Variants in CD53 observed in about 807,000 individuals in gnomAD.
CD53 encodes the protein CD53 molecule, also known as leukocyte surface antigen CD53.
CD53 carries 20 observed loss-of-function variants against 27.3 expected under a neutral mutation model. The ratio of observed to expected loss-of-function variants is 0.73; its 90% CI spans 0.52 to 1.07. CD53 has a LOEUF of 1.07. CD53 is among the 50% of genes least tolerant of loss of function. The pLI, the probability that CD53 is intolerant of heterozygous loss-of-function variation, is 0.00. For missense variants in CD53, 216 were observed against 264.0 expected (o/e 0.82, Z 1.26); for synonymous variants, 106 against 105.3 (o/e 1.01, Z -0.04).
chr1:110,874,841 T>G (rs1656064309), intron 1 of CD53, among the ~76,000 whole-genome samples: 1 of 152,324 alleles, frequency 6.6e-6, no homozygotes, highest in African/African-American at 2.4e-5. Context: ...TGCCCTCTGA[T>G]TGACCTCTGA....
At chr1:110,883,367 A>G (rs925663076) in intron 1 of CD53, among the ~76,000 whole-genome samples, 5 of 152,054 alleles carry the variant, frequency 3.3e-5, no homozygotes, top group African/African-American at 9.6e-5. Context: ...AGTTTTTTCA[A>G]TGTTAAAATA....
intron 1 of CD53, among the ~76,000 whole-genome samples, chr1:110,878,708 A>G (rs980708159): frequency 6.6e-6 from 1 of 152,222 alleles, no homozygotes; most frequent in East Asian, 1.9e-4. Flanking sequence ...TCTACCAAAC[A>G]CTTCCATTCA....
In CD53 at chr1:110,894,998, C is replaced by A. The variant is rs748341798; in HGVS notation, c.366C>A (p.Ile122=). The change falls in exon 5 of 8, where the codon ATC becomes ATA. Residue 122 remains isoleucine (I), a synonymous_variant. Coordinates refer to ENST00000271324, the MANE Select transcript of CD53 (RefSeq NM_000560.4). ...EYVAKGLTDS[I]HRYHSDNSTK... is the part of the protein sequence containing the mutation. The stretch of plus-strand genomic sequence containing the variant: ...TGGCTAAGGGTCTGACCGACAGCAT[C>A]CACCGTTACCACTCAGACAATAGCA... The A allele has an allele frequency of 9.9e-6, 16 of 1,613,974 alleles. No individual in the cohort carries two copies.
In CD53 at chr1:110,895,145, C is replaced by T; in HGVS notation, c.423+90C>T. On this transcript the variant is annotated intron_variant, in intron 5 of 7. Transcript: ENST00000271324. Reference sequence around the variant, plus strand: ...GGCTAGTTCCTTTTTCTGGAAGTTTCAGAATCTAAGGTCCACATCCCTGAA... The same window carrying T: ...GGCTAGTTCCTTTTTCTGGAAGTTTTAGAATCTAAGGTCCACATCCCTGAA... 6 of 956,756 alleles carry T rather than the reference C, an allele frequency of 6.3e-6. No individual in the cohort carries two copies. The South Asian group carries it at 7.9e-5, about 13-fold the overall frequency. 59.3% of individuals were successfully genotyped at this position (956,756 alleles called of 1,614,324 possible).
At chr1:110,894,458 T>A (rs11800539) in intron 4 of CD53, 57 bp downstream of exon 4, 1 of 1,282,598 alleles carries the variant, frequency 7.8e-7, no homozygotes, top group African/African-American at 1.5e-5. Context: ...GAGTATGCAG[T>A]GGAGAAGTTG....
chr1:110,890,891 G>A (rs1262039975), intron 1 of CD53, among the ~76,000 whole-genome samples: 1 of 152,212 alleles, frequency 6.6e-6, no homozygotes. Context: ...AATAAATGAG[G>A]CGTGGATATG....
At chr1:110,886,293 T>C (rs1432682868) in intron 1 of CD53, among the ~76,000 whole-genome samples, 3 of 152,206 alleles carry the variant, frequency 2.0e-5, no homozygotes, top group African/African-American at 7.2e-5. Context: ...TTTCTTTTTA[T>C]CACTGTTCCT....
intron 1 of CD53, among the ~76,000 whole-genome samples, chr1:110,889,725 G>GTTTT (rs1455221383): frequency 3.3e-5 from 5 of 152,072 alleles, no homozygotes; most frequent in Non-Finnish European, 5.9e-5. Context: ...AAGAAATTGT[G>GTTTT]ACTGGAACTG....
At chr1:110,871,519 T>C (rs1470991243), upstream of CD53, among the ~76,000 whole-genome samples, 1 of 151,884 alleles carries the variant, frequency 6.6e-6, no homozygotes, top group Admixed American at 6.6e-5. Context: ...TGAAGTTGGA[T>C]ATTGGATTTG....
intron 1 of CD53, among the ~76,000 whole-genome samples, chr1:110,880,004 AG>A (rs1656291861): frequency 6.6e-6 from 1 of 152,256 alleles, no homozygotes; most frequent in Admixed American, 6.5e-5. Flanking sequence ...AGGTTCTACC[AG>A]CTCAAGCCCA....
intron 1 of CD53, among the ~76,000 whole-genome samples, chr1:110,884,433 A>G (rs180751078): frequency 6.3e-4 from 96 of 152,074 alleles, no homozygotes; most frequent in Admixed American, 4.3e-3. Context: ...AAAAGAATGT[A>G]TGTTCTGCTG....
chr1:110,892,753 A>G (rs897932356), intron 3 of CD53: 4 of 478,818 alleles, frequency 8.4e-6, no homozygotes, highest in Non-Finnish European at 1.5e-5. Flanking sequence ...CCTTGTAGCC[A>G]TTTTTATATT....
At chr1:110,894,255 G>A in intron 3 of CD53, 72 bp from the exon 4 acceptor site, 2 of 1,316,646 alleles carry the variant, frequency 1.5e-6, no homozygotes, top group Admixed American at 1.7e-5. Flanking sequence ...GCCCCTGGAT[G>A]CTCCCAGAGC....
rs568789714 is a variant in CD53, at chr1:110,878,249, C to G, written c.-18+5001C>G. Among the ~76,000 whole-genome samples, 5 of 152,288 alleles carry G rather than the reference C, an allele frequency of 3.3e-5. No homozygotes were observed. In the East Asian group the frequency reaches 7.7e-4, roughly 24 times the overall value. On this transcript the variant is annotated intron_variant, in intron 1 of 7. Coordinates refer to ENST00000271324, the MANE Select transcript of CD53 (RefSeq NM_000560.4). ...TGTATCTCAGTTTGTTTGAGCAAGG[C>G]CTACATTTGGGAGCCCTCACTGGGG...
chr1:110,891,575 T>C (rs1330893466), intron 2 of CD53, 104 bp downstream of exon 2: 1 of 839,168 alleles, frequency 1.2e-6, no homozygotes, highest in Non-Finnish European at 2.1e-6. Context: ...GCATGCGTGT[T>C]TGGGTCATGT....
At chr1:110,888,466 G>A (rs4839581) in intron 1 of CD53, among the ~76,000 whole-genome samples, 97,383 of 152,002 alleles carry the variant, frequency 0.64, 33,236 homozygotes, top group Non-Finnish European at 0.77. Context: ...TTTATTTCCC[G>A]TCTCTCATGG....
At chr1:110,891,612 G>A in intron 2 of CD53, 141 bp downstream of exon 2, 2 of 681,110 alleles carry the variant, frequency 2.9e-6, no homozygotes, top group South Asian at 3.4e-5. Context: ...AGAAACAAAA[G>A]AGTAATAATT....
chr1:110,898,208 T>G (rs1489439849), intron 7 of CD53, among the ~76,000 whole-genome samples: 1 of 151,868 alleles, frequency 6.6e-6, no homozygotes, highest in East Asian at 1.9e-4. Flanking sequence ...AAACCCCGTC[T>G]CTACTAAAAA....
At chr1:110,872,452 T>C (rs140886308), upstream of CD53, among the ~76,000 whole-genome samples, 63 of 152,328 alleles carry the variant, frequency 4.1e-4, no homozygotes, top group African/African-American at 1.5e-3. Context: ...GCTGACAGAT[T>C]GAGACTTGCT....
Sources: allele counts gnomAD v4.1 joint callset (sites outside exome capture counted in the v4.1 genomes callset), GRCh38; gene constraint gnomAD v4.1.1; transcripts MANE v1.5; gene names NCBI Gene and HGNC (gene_info 2026-07-23, HGNC 2026-07-21).